The following MAPK9 variants were observed in gnomAD, a reference collection of about 807,000 sequenced individuals.
The protein encoded by MAPK9 is Jun kinase.
Under a neutral mutation model 57.1 loss-of-function variants are expected in MAPK9, and 30 were observed. The ratio of observed to expected loss-of-function variants is 0.53; its 90% confidence interval spans 0.39 to 0.71. MAPK9 has a LOEUF of 0.71. Ranked by LOEUF, MAPK9 falls within the 30% of genes least tolerant of loss-of-function variation. MAPK9 has a pLI of 0.00. For synonymous variants in MAPK9, 155 were observed against 177.0 expected (o/e 0.88, Z 0.99); for missense variants, 362 against 521.0 (o/e 0.69, Z 2.97).
chr5:180,250,596 G>C (rs1329016548), intron 5 of MAPK9, among the ~76,000 whole-genome samples: 1 of 152,146 alleles, frequency 6.6e-6, no homozygotes, highest in African/African-American at 2.4e-5. Context: ...CTCAGTGAAG[G>C]CTGTGGGGCT....
At position 180,258,523 on chromosome 5, in the gene MAPK9, T is replaced by C. The variant is rs560241050; in HGVS notation, c.450+3161A>G. ...AGCCTTCAGTCATCCCCGCTCCATG[T>C]GAAGACATCAAAGAACACATATTGG... is the stretch of plus-strand genomic sequence containing the variant. On this transcript the variant is annotated intron_variant, in intron 5 of 11. Coordinates refer to ENST00000452135, the MANE Select transcript of MAPK9 (RefSeq NM_002752.5). Among the ~76,000 whole-genome samples the C allele has an allele frequency of 5.1e-4, 77 of 152,262 alleles. 2 individuals are homozygous for C. The South Asian group carries it at 0.015, about 30-fold the overall frequency.
intron 2 of MAPK9, among the ~76,000 whole-genome samples, chr5:180,270,231 T>A (rs1189408804): frequency 6.6e-6 from 1 of 152,256 alleles, no homozygotes. Flanking sequence ...ATTTAAATAC[T>A]GTTTCTATTT....
intron 3 of MAPK9, among the ~76,000 whole-genome samples, chr5:180,267,368 T>C (rs982878867): frequency 1.3e-5 from 2 of 151,940 alleles, no homozygotes; most frequent in South Asian, 2.1e-4. Flanking sequence ...GAGACCATCC[T>C]GGCTAACATG....
rs2127571583 is a variant in MAPK9 at position 180,236,292 on chromosome 5, T to C, written c.*92A>G. Reference sequence around the variant, plus strand: ...TGTTTCTTACATGCAGAACATGGAGTTTTTCTATTTGGTTCCATCAACTCC... The same window carrying C: ...TGTTTCTTACATGCAGAACATGGAGCTTTTCTATTTGGTTCCATCAACTCC... On this transcript the variant is annotated 3_prime_UTR_variant, in exon 12 of 12. Coordinates refer to ENST00000452135, the MANE Select transcript of MAPK9 (RefSeq NM_002752.5). The C allele has an allele frequency of 2.2e-6, 3 of 1,372,940 alleles. No homozygotes were observed. Among genetic ancestry groups the C allele is most frequent in the Non-Finnish European group, 2.9e-6 (3 of 1,021,354 alleles). The allele number at this position is 1,372,940 out of a possible 1,614,324, so 85.0% of individuals were successfully genotyped here.
At chr5:180,243,866 AAGAC>A (rs1280323065) in intron 7 of MAPK9, among the ~76,000 whole-genome samples, 4 of 152,156 alleles carry the variant, frequency 2.6e-5, no homozygotes, top group African/African-American at 9.7e-5. Flanking sequence ...TATATAAATA[AAGAC>A]AGAGTCTCGC....
chr5:180,234,792 A>C lies in MAPK9; in HGVS notation c.*1592T>G, dbSNP rs1757069165. On this transcript the variant is annotated 3_prime_UTR_variant, in exon 12 of 12. Transcript: ENST00000452135. Reference sequence around the variant, plus strand: ...TATTTCAATATTAATTTTGCTAATCAAAGGTTCCAGTTTCCAGTGATATGA... The same window carrying C: ...TATTTCAATATTAATTTTGCTAATCCAAGGTTCCAGTTTCCAGTGATATGA... The C allele has an allele frequency of 6.6e-6, 1 of 152,002 alleles. No homozygotes were observed. The highest frequency in any genetic ancestry group is 1.5e-5 in the Non-Finnish European group (1 of 68,036). 9.4% of individuals were successfully genotyped at this position (152,002 alleles called of 1,614,324 possible). A position where few individuals can be genotyped will look rare whatever the true frequency, so the allele number is the denominator to read the frequency against.
chr5:180,253,963 C>CTT (rs5873681), intron 5 of MAPK9, among the ~76,000 whole-genome samples: 8,917 of 109,306 alleles, frequency 0.082, 782 homozygotes, highest in Admixed American at 0.12. Context: ...GCTTCAATCT[C>CTT]TTTTTTTTTT....
intron 1 of MAPK9, among the ~76,000 whole-genome samples, chr5:180,285,223 A>G (rs1282894839): frequency 1.3e-5 from 2 of 152,222 alleles, no homozygotes; most frequent in Non-Finnish European, 2.9e-5. Context: ...GAGGAAACTG[A>G]GGCTTAGAGG....
intron 1 of MAPK9, among the ~76,000 whole-genome samples, chr5:180,282,912 C>G (rs1409129083): frequency 6.6e-6 from 1 of 152,118 alleles, no homozygotes; most frequent in Admixed American, 6.5e-5. Flanking sequence ...GGAGGAGAAG[C>G]AGCAGAGGCG....
chr5:180,291,632 G>A (rs1343781198), intron 1 of MAPK9, among the ~76,000 whole-genome samples: 1 of 151,926 alleles, frequency 6.6e-6, no homozygotes, highest in Non-Finnish European at 1.5e-5. Flanking sequence ...GGCCGGGCCA[G>A]GCCGGTGAGC....
chr5:180,251,032 G>A (rs532782010), intron 5 of MAPK9, among the ~76,000 whole-genome samples: 1 of 152,274 alleles, frequency 6.6e-6, no homozygotes, highest in Non-Finnish European at 1.5e-5. Context: ...ATTACTAACA[G>A]ATAAAATAAT....
chr5:180,266,650 G>A (rs973109871), intron 3 of MAPK9, among the ~76,000 whole-genome samples: 1 of 151,362 alleles, frequency 6.6e-6, no homozygotes, highest in Non-Finnish European at 1.5e-5. Flanking sequence ...ATGGGGTCTT[G>A]TTTTGTTGCC....
At chr5:180,265,048 G>A (rs764183794) in intron 3 of MAPK9, among the ~76,000 whole-genome samples, 3 of 152,234 alleles carry the variant, frequency 2.0e-5, no homozygotes, top group South Asian at 4.1e-4. Context: ...TCACTTTTAT[G>A]TGTCCCTAGT....
intron 2 of MAPK9, among the ~76,000 whole-genome samples, chr5:180,269,724 A>C (rs1161286322): frequency 6.6e-6 from 1 of 152,230 alleles, no homozygotes; most frequent in East Asian, 1.9e-4. Flanking sequence ...CCAGTCAAGA[A>C]ATGAAATCTT....
At position 180,269,443 on chromosome 5, in the gene MAPK9, G is replaced by A. The variant is rs769835979; in HGVS notation, c.123-34C>T. ...AGGAAATATAATGCACAATCCATTA[G>A]AACGGTTTTGGAAAATACAGCAATG... is the stretch of plus-strand genomic sequence containing the variant. On this transcript the variant is annotated intron_variant, in intron 2 of 11. Transcript: ENST00000452135. The A allele has an allele frequency of 8.1e-6, 13 of 1,596,790 alleles. No individual in the cohort carries two copies. In the African/African-American group the frequency reaches 1.6e-4, roughly 20 times the overall value.
chr5:180,270,727 T>C (rs948756629), intron 2 of MAPK9, among the ~76,000 whole-genome samples: 8 of 151,930 alleles, frequency 5.3e-5, no homozygotes, highest in Non-Finnish European at 1.2e-4. Context: ...GGTGCATGTC[T>C]GTAGACCCAG....
At chr5:180,249,167 A>C (rs776108187) in intron 5 of MAPK9, 29 bp from the exon 6 acceptor site, 11 of 1,591,944 alleles carry the variant, frequency 6.9e-6, no homozygotes, top group Middle Eastern at 3.3e-4. Context: ...AAATTAGTAA[A>C]ATGAATGAAG....
chr5:180,279,103 G>A (rs1762085137), intron 2 of MAPK9, among the ~76,000 whole-genome samples: 1 of 152,022 alleles, frequency 6.6e-6, no homozygotes, highest in African/African-American at 2.4e-5. Flanking sequence ...GACTACGGGT[G>A]TGTGCCACCA....
chr5:180,260,944 A>G (rs1204489946), intron 5 of MAPK9, among the ~76,000 whole-genome samples: 1 of 51,296 alleles, frequency 1.9e-5, no homozygotes, highest in African/African-American at 9.6e-5. Context: ...TCAAATTGTG[A>G]AAAAAAAAAA....
Sources: gnomAD v4.1 joint callset for allele counts (sites outside exome capture counted in the v4.1 genomes callset) on GRCh38, gnomAD v4.1.1 for gene constraint, MANE v1.5 for transcripts, NCBI Gene and HGNC (gene_info 2026-07-23, HGNC 2026-07-21) for gene names.